The following BLM variants were observed in gnomAD, a reference collection of about 807,000 sequenced individuals.
The protein encoded by BLM is recQ-like DNA helicase BLM.
In BLM, 95 loss-of-function variants were observed where a neutral mutation model predicts 135.3. The observed-to-expected ratio is 0.70, with a 90% CI of 0.59 to 0.83. The LOEUF (loss-of-function observed/expected upper bound fraction) is 0.83, where lower values mean the gene tolerates loss of function less well. BLM is among the 40% of genes least tolerant of loss of function. The pLI, the probability that BLM is intolerant of heterozygous loss-of-function variation, is 0.00. For synonymous variants in BLM, 520 were observed against 589.2 expected (o/e 0.88, Z 1.70); for missense variants, 1,518 against 1,663.9 (o/e 0.91, Z 1.53).
intron 4 of BLM, among the ~76,000 whole-genome samples, chr15:90,753,680 T>A (rs1465861462): frequency 6.6e-6 from 1 of 152,236 alleles, no homozygotes; most frequent in Non-Finnish European, 1.5e-5. Flanking sequence ...ATTTCAGTTT[T>A]AAAAAATACT....
chr15:90,776,595 C>T (rs540064093), intron 12 of BLM, among the ~76,000 whole-genome samples: 2 of 152,274 alleles, frequency 1.3e-5, no homozygotes, highest in South Asian at 4.2e-4. Context: ...GATCTCGGCT[C>T]ACTGCAACCT....
chr15:90,760,218 C>T lies in BLM; in HGVS notation c.1159C>T (p.Pro387Ser), dbSNP rs2151157378. ...EHICKLIDTI[P>S]DDKLKLLDCG... ...CATCTGTAAATTAATTGATACTATT[C>T]CTGATGATAAACTGAAACTTTTGGA... is the stretch of plus-strand genomic sequence containing the variant. Residue 387 changes from proline to serine, a missense_variant, in exon 6 of 22, where the codon CCT (proline) becomes TCT (serine). Transcript: ENST00000355112. The T allele has an allele frequency of 1.2e-6, 2 of 1,613,770 alleles. No homozygotes were observed. The highest frequency in any genetic ancestry group is 1.7e-6 in the Non-Finnish European group (2 of 1,179,820).
rs531694496 is a variant in BLM, at chr15:90,781,264, G to C, written c.2556-1558G>C. Among the ~76,000 whole-genome samples the C allele has an allele frequency of 5.3e-5, 8 of 152,234 alleles. No individual in the cohort carries two copies. The South Asian group carries it at 1.7e-3, about 32-fold the overall frequency. ...GCAGTTAGCTTTTTATGTATCCTGG[G>C]GTGTCCAATCTTTTGGCTTCCCTGG... On this transcript the variant is annotated intron_variant, in intron 12 of 21. Transcript: ENST00000355112.
At chr15:90,781,015 C>A (rs931554456) in intron 12 of BLM, among the ~76,000 whole-genome samples, 1 of 152,106 alleles carries the variant, frequency 6.6e-6, no homozygotes. Context: ...AATTGAGGGT[C>A]TGAATTTGTT....
chr15:90,748,387 C>T (rs1179018677), intron 2 of BLM, among the ~76,000 whole-genome samples: 2 of 152,248 alleles, frequency 1.3e-5, no homozygotes, highest in South Asian at 2.1e-4. Context: ...GGATTACAGG[C>T]GTGAGCCACC....
intron 1 of BLM, among the ~76,000 whole-genome samples, chr15:90,728,385 G>A (rs892187356): frequency 6.6e-6 from 1 of 151,398 alleles, no homozygotes; most frequent in African/African-American, 2.4e-5. Flanking sequence ...TGTATTTTTA[G>A]GTATATATTA....
intron 14 of BLM, among the ~76,000 whole-genome samples, 178 bp downstream of exon 14, chr15:90,785,259 A>T (rs181487398): frequency 6.6e-6 from 1 of 152,234 alleles, no homozygotes; most frequent in Non-Finnish European, 1.5e-5. Context: ...TTTCATAAAA[A>T]AAATCTGCTT....
At chr15:90,789,987 G>GTTTTTTTTTTGTTTTTTTTTTTT (rs1896857678) in intron 14 of BLM, among the ~76,000 whole-genome samples, 5 of 57,358 alleles carry the variant, frequency 8.7e-5, no homozygotes, top group Admixed American at 2.4e-4. Flanking sequence ...AGTCCCTGGT[G>GTTTTTTTTTTGTTTTTTTTTTTT]TTTTTTTTTT....
At chr15:90,755,625 TAGACA>T (rs1215809516) in intron 5 of BLM, among the ~76,000 whole-genome samples, 2 of 152,330 alleles carry the variant, frequency 1.3e-5, no homozygotes, top group East Asian at 3.9e-4. Context: ...CATCCTCTTG[TAGACA>T]TTTTTCTGGC....
intron 2 of BLM, 36 bp downstream of exon 2, chr15:90,747,526 C>T: frequency 7.7e-7 from 1 of 1,302,354 alleles, no homozygotes; most frequent in Non-Finnish European, 1.1e-6. Flanking sequence ...CACATAGGCA[C>T]TAACTTACCA....
chr15:90,739,357 C>T (rs764923451), intron 1 of BLM, among the ~76,000 whole-genome samples: 23 of 152,044 alleles, frequency 1.5e-4, no homozygotes, highest in Non-Finnish European at 2.6e-4. Context: ...GCTGAGATTG[C>T]GCCACTGCAC....
intron 12 of BLM, among the ~76,000 whole-genome samples, chr15:90,781,196 AAGTGACTGTAATCAGT>A (rs1453800981): frequency 6.6e-6 from 1 of 152,212 alleles, no homozygotes; most frequent in African/African-American, 2.4e-5. Flanking sequence ...AACAAAAATA[AAGTGACTGTAATCAGT>A]AGGGCTTTAA....
At chr15:90,726,202 G>A (rs1894910681) in intron 1 of BLM, among the ~76,000 whole-genome samples, 1 of 152,136 alleles carries the variant, frequency 6.6e-6, no homozygotes, top group Non-Finnish European at 1.5e-5. Flanking sequence ...ATTGTTAACT[G>A]TAGTCATCCT....
At chr15:90,797,062 G>C (rs953730510) in intron 16 of BLM, among the ~76,000 whole-genome samples, 2 of 152,030 alleles carry the variant, frequency 1.3e-5, no homozygotes, top group African/African-American at 4.8e-5. Context: ...GAGCAGAGGA[G>C]ATCAAGAACC....
At chr15:90,726,342 C>G (rs1894914388) in intron 1 of BLM, among the ~76,000 whole-genome samples, 1 of 152,178 alleles carries the variant, frequency 6.6e-6, no homozygotes, top group Admixed American at 6.5e-5. Context: ...AATCTTGGCT[C>G]ACTGCAACCT....
intron 3 of BLM, among the ~76,000 whole-genome samples, chr15:90,751,094 G>C (rs1895671088): frequency 1.3e-5 from 2 of 152,118 alleles, no homozygotes; most frequent in South Asian, 4.1e-4. Context: ...AGTTTTTCCT[G>C]GCTAGATCTT....
At chr15:90,792,735 C>T (rs1277045327) in intron 15 of BLM, among the ~76,000 whole-genome samples, 7 of 152,008 alleles carry the variant, frequency 4.6e-5, no homozygotes, top group African/African-American at 1.7e-4. Context: ...TTCACAATAA[C>T]CCTCAGAGAT....
intron 5 of BLM, 101 bp from the exon 6 acceptor site, chr15:90,760,046 T>G (rs1296754008): frequency 1.5e-5 from 17 of 1,161,904 alleles, no homozygotes; most frequent in Non-Finnish European, 2.0e-5. Context: ...TGCCTTGGCC[T>G]CCCCAAAGGG....
At chr15:90,740,368 A>T (rs975500432) in intron 1 of BLM, among the ~76,000 whole-genome samples, 1 of 152,170 alleles carries the variant, frequency 6.6e-6, no homozygotes, top group Non-Finnish European at 1.5e-5. Context: ...TTCACTTAAC[A>T]TAATGGTTTC....
Sources: allele counts gnomAD v4.1 joint callset (sites outside exome capture counted in the v4.1 genomes callset), GRCh38; gene constraint gnomAD v4.1.1; transcripts MANE v1.5; gene names NCBI Gene and HGNC (gene_info 2026-07-23, HGNC 2026-07-21).